COL21A1: variants seen among roughly 807,000 people sequenced by gnomAD.
COL21A1 encodes the protein collagen type XXI alpha 1 chain.
Under a neutral mutation model 137.9 loss-of-function variants are expected in COL21A1, and 149 were observed. The ratio of observed to expected loss-of-function variants is 1.08; its 90% CI spans 0.95 to 1.24. The LOEUF (loss-of-function observed/expected upper bound fraction) is 1.24. Ranked by LOEUF, COL21A1 falls within the 50% of genes most tolerant of loss-of-function variation. The pLI is 0.00. For missense variants in COL21A1, 1,167 were observed against 1,158.4 expected (o/e 1.01, Z -0.11); for synonymous variants, 456 against 391.5 (o/e 1.16, Z -1.95).
At chr6:56,236,130 G>T (rs934733619) in intron 1 of COL21A1, among the ~76,000 whole-genome samples, 2 of 151,978 alleles carry the variant, frequency 1.3e-5, no homozygotes, top group African/African-American at 4.8e-5. Context: ...TTTAGGGAAG[G>T]CTGACAAGAG....
At position 56,311,512 on chromosome 6, in the gene COL21A1, T is replaced by C. The variant is rs1764614066; in HGVS notation, c.-39+82459A>G. Among the ~76,000 whole-genome samples the C allele has an allele frequency of 2.0e-5, 3 of 152,216 alleles. No individual in the cohort carries two copies. The South Asian group carries it at 6.2e-4, about 31-fold the overall frequency. On this transcript the variant is annotated intron_variant, in intron 1 of 28. Transcript: ENST00000370819. ...GGTTGCACCGTGACAAAGTAACTTTTCTTTAAATGGACCTGTAGTACCACT... is the reference window on the plus strand; with the variant it reads ...GGTTGCACCGTGACAAAGTAACTTTCCTTTAAATGGACCTGTAGTACCACT...
At chr6:56,167,261 A>C (rs1776658619) in intron 6 of COL21A1, among the ~76,000 whole-genome samples, 1 of 152,202 alleles carries the variant, frequency 6.6e-6, no homozygotes, top group Admixed American at 6.5e-5. Context: ...ATTAAAAGCT[A>C]ATCTAAAGAG....
chr6:56,198,714 G>A (rs968970453), intron 1 of COL21A1, among the ~76,000 whole-genome samples: 2 of 152,078 alleles, frequency 1.3e-5, no homozygotes, highest in Non-Finnish European at 2.9e-5. Flanking sequence ...ATGTCATTTG[G>A]AAATACTATA....
At chr6:56,271,113 A>C (rs1462433876) in intron 1 of COL21A1, among the ~76,000 whole-genome samples, 1 of 152,202 alleles carries the variant, frequency 6.6e-6, no homozygotes, top group Non-Finnish European at 1.5e-5. Flanking sequence ...AGATGAGGGA[A>C]AGTTTGGAAC....
At chr6:56,067,938 G>T (rs894122190) in intron 22 of COL21A1, among the ~76,000 whole-genome samples, 2 of 151,478 alleles carry the variant, frequency 1.3e-5, no homozygotes, top group Non-Finnish European at 3.0e-5. Flanking sequence ...ACTTGGACAC[G>T]GTTTCCAAAT....
intron 1 of COL21A1, among the ~76,000 whole-genome samples, chr6:56,220,982 T>C (rs1286393173): frequency 6.6e-6 from 1 of 152,118 alleles, no homozygotes; most frequent in Non-Finnish European, 1.5e-5. Flanking sequence ...ATTCCATTCT[T>C]AAGGGAAAAA....
chr6:56,362,552 G>A lies in COL21A1; in HGVS notation c.-39+31419C>T, dbSNP rs372350499. ...TTACTCAAAGTAGCAGTGGCCCCAT[G>A]TTTAAGAAACGCTGATTTTGGCTCT... On this transcript the variant is annotated intron_variant, in intron 1 of 28. Transcript: ENST00000370819. Among the ~76,000 whole-genome samples, 5 of 152,140 alleles carry A rather than the reference G, an allele frequency of 3.3e-5. No individual in the cohort carries two copies. The East Asian group carries it at 7.7e-4, about 23-fold the overall frequency.
At chr6:56,303,684 C>A (rs1460674841) in intron 1 of COL21A1, among the ~76,000 whole-genome samples, 1 of 152,184 alleles carries the variant, frequency 6.6e-6, no homozygotes, top group Non-Finnish European at 1.5e-5. Flanking sequence ...CAAACAGGAA[C>A]AATTTGACTT....
At chr6:56,132,853 C>T (rs565934849) in intron 12 of COL21A1, among the ~76,000 whole-genome samples, 10 of 152,266 alleles carry the variant, frequency 6.6e-5, no homozygotes, top group African/African-American at 2.4e-4. Context: ...CCTCCACAAG[C>T]TGGCTGTTTT....
intron 1 of COL21A1, among the ~76,000 whole-genome samples, chr6:56,221,920 A>C (rs1780852789): frequency 6.6e-6 from 1 of 152,056 alleles, no homozygotes. Flanking sequence ...CACACACACA[A>C]TTTCATGGCT....
chr6:56,173,538 C>T (rs1283970516), intron 3 of COL21A1, among the ~76,000 whole-genome samples: 1 of 152,088 alleles, frequency 6.6e-6, no homozygotes, highest in Non-Finnish European at 1.5e-5. Flanking sequence ...ATATTCCATG[C>T]AAATGGTAGC....
intron 1 of COL21A1, among the ~76,000 whole-genome samples, chr6:56,227,974 AG>A (rs1781317133): frequency 6.6e-6 from 1 of 151,978 alleles, no homozygotes; most frequent in Admixed American, 6.6e-5. Context: ...ACAGGAAGAT[AG>A]TACCTGAAAA....
chr6:56,157,070 AG>A, intron 9 of COL21A1, 121 bp from the exon 10 acceptor site: 2 of 548,480 alleles, frequency 3.6e-6, no homozygotes, highest in East Asian at 3.2e-5. Flanking sequence ...TAAAAACAAA[AG>A]TAAAAAAAAA....
intron 16 of COL21A1, among the ~76,000 whole-genome samples, chr6:56,112,458 GA>G (rs780629975): frequency 3.2e-4 from 48 of 152,072 alleles, no homozygotes; most frequent in Admixed American, 1.3e-4. Context: ...ATTGCTGAAA[GA>G]GGCACTGAAG....
intron 1 of COL21A1, among the ~76,000 whole-genome samples, chr6:56,342,022 T>A (rs1261221747): frequency 6.6e-6 from 1 of 152,206 alleles, no homozygotes; most frequent in South Asian, 2.1e-4. Context: ...TTAAAAATGA[T>A]CATTTTCCCT....
intron 17 of COL21A1, among the ~76,000 whole-genome samples, chr6:56,088,284 A>C (rs1423493623): frequency 6.6e-6 from 1 of 151,688 alleles, no homozygotes; most frequent in Non-Finnish European, 1.5e-5. Context: ...GAATTGCTTG[A>C]CCCCGGGAGG....
chr6:56,174,806 T>TAAG (rs1561947764), intron 3 of COL21A1, among the ~76,000 whole-genome samples: 2 of 152,064 alleles, frequency 1.3e-5, no homozygotes, highest in African/African-American at 2.4e-5. Flanking sequence ...ACTATTTTTA[T>TAAG]AAGGCCAGCA....
At chr6:56,111,952 A>T (rs1189991958) in intron 16 of COL21A1, among the ~76,000 whole-genome samples, 1 of 152,008 alleles carries the variant, frequency 6.6e-6, no homozygotes, top group African/African-American at 2.4e-5. Flanking sequence ...GATACTAAAA[A>T]TAATATGGAA....
At chr6:56,285,953 C>CT (rs561971790) in intron 1 of COL21A1, among the ~76,000 whole-genome samples, 54 of 151,344 alleles carry the variant, frequency 3.6e-4, no homozygotes, top group Non-Finnish European at 4.6e-4. Flanking sequence ...ATTTTATTTA[C>CT]TTTTTTTTTG....
Sources: allele counts gnomAD v4.1 joint callset (sites outside exome capture counted in the v4.1 genomes callset), GRCh38; gene constraint gnomAD v4.1.1; transcripts MANE v1.5; gene names NCBI Gene and HGNC (gene_info 2026-07-23, HGNC 2026-07-21).